MSH4: variants seen among roughly 807,000 people sequenced by gnomAD.
The protein encoded by MSH4 is mutS homolog 4.
In MSH4, 106 loss-of-function variants were observed where a neutral mutation model predicts 113.7. The ratio of observed to expected loss-of-function variants is 0.93; its 90% CI spans 0.80 to 1.10. The LOEUF is 1.10. Among genes scored for constraint, MSH4 ranks in the 50% least tolerant of loss-of-function variants. The probability of loss-of-function intolerance (pLI) is 0.00; values close to 1 mark genes in which losing one functional copy is unlikely to be tolerated. For synonymous variants in MSH4, 368 were observed against 380.2 expected, an observed-to-expected ratio of 0.97 and a Z score of 0.37; for missense variants, 1,061 against 1,093.7, an observed-to-expected ratio of 0.97 and a Z score of 0.42.
intron 7 of MSH4, among the ~76,000 whole-genome samples, chr1:75,823,873 T>C (rs1186746881): frequency 6.6e-6 from 1 of 152,196 alleles, no homozygotes; most frequent in Non-Finnish European, 1.5e-5. Flanking sequence ...ATCCAGTCTA[T>C]CATTGATGGG....
chr1:75,879,166 T>A, intron 12 of MSH4, 38 bp downstream of exon 12: 1 of 1,573,792 alleles, frequency 6.4e-7, no homozygotes, highest in South Asian at 1.1e-5. Context: ...GTGTTTCTGA[T>A]TTTATAGAAT....
intron 9 of MSH4, among the ~76,000 whole-genome samples, chr1:75,869,101 A>G (rs1244929673): frequency 6.6e-6 from 1 of 152,198 alleles, no homozygotes; most frequent in Non-Finnish European, 1.5e-5. Flanking sequence ...TTTGACCAAA[A>G]TGCTGATAGT....
chr1:75,887,736 C>T (rs1652158336), intron 15 of MSH4, among the ~76,000 whole-genome samples: 1 of 152,122 alleles, frequency 6.6e-6, no homozygotes, highest in Non-Finnish European at 1.5e-5. Flanking sequence ...AAATTGTCCC[C>T]ACCCTTCTCC....
At chr1:75,814,774 A>G (rs1650261975) in intron 4 of MSH4, among the ~76,000 whole-genome samples, 1 of 152,190 alleles carries the variant, frequency 6.6e-6, no homozygotes, top group African/African-American at 2.4e-5. Flanking sequence ...TTTATTTTTT[A>G]TTATTGTATC....
intron 15 of MSH4, among the ~76,000 whole-genome samples, chr1:75,888,319 T>C (rs1652171687): frequency 6.6e-6 from 1 of 152,010 alleles, no homozygotes. Flanking sequence ...TATCTTCTTA[T>C]AATGTTAGAA....
chr1:75,813,413 G>A (rs939389869), intron 4 of MSH4, among the ~76,000 whole-genome samples: 3 of 152,172 alleles, frequency 2.0e-5, no homozygotes, highest in African/African-American at 7.2e-5. Context: ...GAATAGAGAA[G>A]TCAGATTGTC....
At chr1:75,878,354 T>C in intron 11 of MSH4, 36 bp downstream of exon 11, 2 of 1,496,050 alleles carry the variant, frequency 1.3e-6, no homozygotes, top group Non-Finnish European at 1.8e-6. Flanking sequence ...TTTGTAGGGA[T>C]AAAACAGCCT....
intron 7 of MSH4, among the ~76,000 whole-genome samples, chr1:75,831,913 G>A (rs1650700778): frequency 6.6e-6 from 1 of 152,122 alleles, no homozygotes; most frequent in African/African-American, 2.4e-5. Flanking sequence ...AAAGCTAGCA[G>A]AAGATAAGAA....
intron 19 of MSH4, among the ~76,000 whole-genome samples, chr1:75,905,674 C>A (rs1204973639): frequency 6.6e-6 from 1 of 152,052 alleles, no homozygotes; most frequent in Non-Finnish European, 1.5e-5. Flanking sequence ...TATTGTATTG[C>A]AGTCTATATT....
chr1:75,801,113 T>C (rs1649926029), intron 1 of MSH4, among the ~76,000 whole-genome samples: 1 of 152,212 alleles, frequency 6.6e-6, no homozygotes, highest in Non-Finnish European at 1.5e-5. Context: ...GAATTCAATA[T>C]GTAGAAATAA....
chr1:75,884,790 A>G (rs1370361874), intron 15 of MSH4, among the ~76,000 whole-genome samples: 6 of 152,022 alleles, frequency 3.9e-5, no homozygotes, highest in African/African-American at 1.2e-4. Context: ...TACTGGGACA[A>G]TCAGAGACAA....
At chr1:75,855,688 T>C (rs1570969575) in intron 8 of MSH4, among the ~76,000 whole-genome samples, 1 of 152,188 alleles carries the variant, frequency 6.6e-6, no homozygotes, top group Non-Finnish European at 1.5e-5. Context: ...GCTGTCTTTG[T>C]ATGACATCAA....
At chr1:75,880,925 G>A (rs1651918744) in intron 13 of MSH4, among the ~76,000 whole-genome samples, 1 of 151,548 alleles carries the variant, frequency 6.6e-6, no homozygotes, top group African/African-American at 2.4e-5. Flanking sequence ...TATAATGAGG[G>A]CTTGATTTGA....
chr1:75,859,370 A>T (rs1250023783), intron 8 of MSH4, among the ~76,000 whole-genome samples: 1 of 152,072 alleles, frequency 6.6e-6, no homozygotes, highest in African/African-American at 2.4e-5. Flanking sequence ...TCAATTTTAG[A>T]TCTTCCCTGC....
At chr1:75,870,014 G>A (rs755543128) in intron 9 of MSH4, among the ~76,000 whole-genome samples, 1 of 152,184 alleles carries the variant, frequency 6.6e-6, no homozygotes, top group Non-Finnish European at 1.5e-5. Context: ...GGTTCAGGGG[G>A]CTGTACCCTG....
intron 8 of MSH4, among the ~76,000 whole-genome samples, chr1:75,852,269 T>C (rs1339260693): frequency 6.6e-6 from 1 of 152,192 alleles, no homozygotes; most frequent in Non-Finnish European, 1.5e-5. Flanking sequence ...ACACATTTGG[T>C]TTATCAGTTT....
chr1:75,806,661 A>T (rs1194899097), intron 2 of MSH4, among the ~76,000 whole-genome samples: 2 of 152,114 alleles, frequency 1.3e-5, no homozygotes, highest in Non-Finnish European at 2.9e-5. Context: ...GATATTTTGT[A>T]GGACAGCCTT....
In MSH4 at chr1:75,797,171, C is replaced by G; in HGVS notation, c.186C>G (p.Asp62Glu). The G allele has an allele frequency of 1.2e-6, 2 of 1,611,108 alleles. No homozygotes were observed. Among genetic ancestry groups the G allele is most frequent in the Non-Finnish European group, 1.7e-6 (2 of 1,178,782 alleles). Reference sequence around the variant, plus strand: ...CTGGCACGTCAGGAGCTGCGGGCGACCGGAGCAGCAGCAGCAGCAGCCTTC... The same window carrying G: ...CTGGCACGTCAGGAGCTGCGGGCGAGCGGAGCAGCAGCAGCAGCAGCCTTC... ...TCPGTSGAAG[D>E]RSSSSSSLPC... Residue 62 changes from aspartate (D) to glutamate (E), a missense_variant, in exon 1 of 20, where the codon GAC becomes GAG. Coordinates refer to ENST00000263187, the MANE Select transcript of MSH4 (RefSeq NM_002440.4).
intron 4 of MSH4, among the ~76,000 whole-genome samples, chr1:75,811,770 G>A (rs1231600263): frequency 6.6e-6 from 1 of 152,146 alleles, no homozygotes; most frequent in Admixed American, 6.6e-5. Flanking sequence ...ATTTTGTTAT[G>A]TTTTTAGACT....
Sources: allele counts gnomAD v4.1 joint callset (sites outside exome capture counted in the v4.1 genomes callset), GRCh38; gene constraint gnomAD v4.1.1; transcripts MANE v1.5; gene names NCBI Gene and HGNC (gene_info 2026-07-23, HGNC 2026-07-21).